ASTN2: variants seen among roughly 807,000 people sequenced by gnomAD.
The protein encoded by ASTN2 is astrotactin-2.
ASTN2 carries 54 observed loss-of-function variants against 139.8 expected under a neutral mutation model. The observed-to-expected ratio is 0.39, with a 90% CI of 0.31 to 0.48. The LOEUF is 0.48. ASTN2 is among the 20% of genes least tolerant of loss of function. ASTN2 has a pLI of 0.95. For missense variants in ASTN2, 1,565 were observed against 1,725.1 expected, an observed-to-expected ratio of 0.91 and a Z score of 1.64; for synonymous variants, 756 against 719.5, an observed-to-expected ratio of 1.05 and a Z score of -0.81.
intron 4 of ASTN2, among the ~76,000 whole-genome samples, chr9:117,114,051 A>G (rs7026307): frequency 0.53 from 81,020 of 151,970 alleles, 21,919 homozygotes; most frequent in African/African-American, 0.66. Flanking sequence ...GTAAAGCTTG[A>G]AAAAAATAGG....
intron 5 of ASTN2, among the ~76,000 whole-genome samples, chr9:117,058,283 A>G (rs142819182): frequency 8.5e-4 from 129 of 152,336 alleles, no homozygotes; most frequent in African/African-American, 2.7e-3. Flanking sequence ...AAGGCAGGAA[A>G]ATAAAATCCA....
At chr9:117,346,716 A>G (rs1373934277) in intron 1 of ASTN2, among the ~76,000 whole-genome samples, 1 of 152,180 alleles carries the variant, frequency 6.6e-6, no homozygotes, top group Non-Finnish European at 1.5e-5. Context: ...GTGAGAGTGA[A>G]CCTGTTCAGG....
chr9:116,674,265 C>T lies in ASTN2; in HGVS notation c.2807-22472G>A, dbSNP rs141307279. 2.5e-3 allele frequency among the ~76,000 whole-genome samples: 375 copies of T among 152,320 alleles called. 1 individual carries two copies. The highest frequency in any genetic ancestry group is 8.6e-3 in the African/African-American group (356 of 41,582). ...TCAATACTTGCCAGGTTCTGACCCA[C>T]AGACCCCAGCTGCATGACAGATGAA... On this transcript the variant is annotated intron_variant, in intron 16 of 22. Transcript: ENST00000313400.
intron 6 of ASTN2, among the ~76,000 whole-genome samples, chr9:117,011,532 T>C (rs1242191434): frequency 2.6e-5 from 4 of 152,244 alleles, no homozygotes; most frequent in Admixed American, 1.3e-4. Flanking sequence ...CTGTTGTTTA[T>C]AAACCAACTG....
At chr9:117,102,636 C>T (rs1829007530) in intron 4 of ASTN2, among the ~76,000 whole-genome samples, 1 of 152,114 alleles carries the variant, frequency 6.6e-6, no homozygotes, top group Admixed American at 6.6e-5. Context: ...GATTCTCCTG[C>T]CTTAGCTTCC....
chr9:116,820,634 G>A lies in ASTN2; in HGVS notation c.2190C>T (p.Thr730=). 6 of 1,614,052 alleles carry A rather than the reference G, an allele frequency of 3.7e-6. No homozygotes were observed. The highest frequency in any genetic ancestry group is 1.1e-5 in the South Asian group (1 of 91,022). Residue 730 remains threonine, a synonymous_variant, in exon 12 of 23, where the codon ACC becomes ACT. Transcript: ENST00000313400. ...AGACTCACCCGCAGAACATGAAGAT[G>A]GTGCTCGAAGTGGCATCGTAGGGCA... The part of the protein sequence containing the change: ...LPLPYDATSS[T]IFMFCGCVEE...
intron 16 of ASTN2, chr9:116,686,636 C>A (rs1860226696): frequency 1.3e-6 from 2 of 1,493,832 alleles, no homozygotes; most frequent in African/African-American, 1.4e-5. Flanking sequence ...CACCTCCCAC[C>A]TGGTAAGATT....
At chr9:116,683,601 C>T (rs896789447) in intron 16 of ASTN2, among the ~76,000 whole-genome samples, 1 of 152,164 alleles carries the variant, frequency 6.6e-6, no homozygotes, top group Non-Finnish European at 1.5e-5. Flanking sequence ...CTAGGCTTCT[C>T]ACAGATAGCT....
At chr9:116,621,414 TACAC>T (rs56109422) in intron 17 of ASTN2, among the ~76,000 whole-genome samples, 1,447 of 142,234 alleles carry the variant, frequency 0.01, 16 homozygotes, top group Middle Eastern at 0.053. Flanking sequence ...TTAAAACACA[TACAC>T]ACACACACAC....
intron 1 of ASTN2, among the ~76,000 whole-genome samples, chr9:117,293,520 AC>A (rs1834648404): frequency 6.6e-6 from 1 of 152,160 alleles, no homozygotes; most frequent in South Asian, 2.1e-4. Context: ...TGAGATAATC[AC>A]GAAGGTTTGT....
chr9:116,464,964 G>A (rs1232417433), intron 20 of ASTN2, among the ~76,000 whole-genome samples: 1 of 152,174 alleles, frequency 6.6e-6, no homozygotes, highest in Non-Finnish European at 1.5e-5. Context: ...TATATGAAGA[G>A]GCTCAGAGCA....
Position 116,698,442 on chromosome 9 carries a change from C to A in ASTN2, c.2806+27329G>T, listed in dbSNP as rs886043553. On this transcript the variant is annotated intron_variant, in intron 16 of 22. Coordinates refer to ENST00000313400, the MANE Select transcript of ASTN2 (RefSeq NM_001365068.1). The surrounding 1 kb of genome is among the most constrained non-coding windows in gnomAD (Gnocchi z 4.4). The stretch of plus-strand genomic sequence containing the variant: ...TTACCTGCTTAACATTGCAGAGGTG[C>A]AGGCTGTGTCTCGCTGTGACTACTT... 3 of 1,614,032 alleles carry A rather than the reference C, an allele frequency of 1.9e-6. No homozygotes were observed. Among genetic ancestry groups the A allele is most frequent in the Non-Finnish European group, 2.5e-6 (3 of 1,180,022 alleles).
intron 13 of ASTN2, among the ~76,000 whole-genome samples, chr9:116,741,084 A>G (rs1829086525): frequency 6.6e-6 from 1 of 152,104 alleles, no homozygotes; most frequent in Non-Finnish European, 1.5e-5. Flanking sequence ...CAGCAAAGAC[A>G]AACAAGGGAA....
rs113617168 is a variant in ASTN2 at position 117,064,664 on chromosome 9, C to T, written c.1277-24699G>A. Among the ~76,000 whole-genome samples, 1,033 of 152,018 alleles carry T rather than the reference C, an allele frequency of 6.8e-3. 9 individuals carry two copies. Among genetic ancestry groups the T allele is most frequent in the Non-Finnish European group, 8.4e-3 (574 of 67,982 alleles). The stretch of plus-strand genomic sequence containing the variant: ...TGGAGACTCCAAAAAGTAGGAGGGT[C>T]GGGGGGAAGGGATGAGAAATTACAT... On this transcript the variant is annotated intron_variant, in intron 5 of 22. Coordinates refer to ENST00000313400, the MANE Select transcript of ASTN2 (RefSeq NM_001365068.1).
intron 5 of ASTN2, among the ~76,000 whole-genome samples, chr9:117,089,623 C>T (rs530363129): frequency 6.6e-5 from 10 of 152,006 alleles, no homozygotes; most frequent in African/African-American, 2.4e-4. Context: ...TTGGTTCACC[C>T]ATCACCTGAG....
chr9:117,133,713 G>C (rs1234578200), intron 4 of ASTN2, among the ~76,000 whole-genome samples: 1 of 152,178 alleles, frequency 6.6e-6, no homozygotes, highest in East Asian at 1.9e-4. Context: ...ATAGTGAAGA[G>C]GTTGTCAAAG....
At chr9:116,804,904 C>T (rs568952642) in intron 13 of ASTN2, among the ~76,000 whole-genome samples, 1 of 146,868 alleles carries the variant, frequency 6.8e-6, no homozygotes, top group East Asian at 2.1e-4. Flanking sequence ...AAATCTCACT[C>T]TACTAGCTTA....
intron 3 of ASTN2, among the ~76,000 whole-genome samples, chr9:117,182,877 T>C (rs1480868515): frequency 6.6e-6 from 1 of 152,230 alleles, no homozygotes; most frequent in African/African-American, 2.4e-5. Context: ...AGTTTTTATT[T>C]CAAGAGACTC....
At chr9:116,586,344 G>A (rs1387419371) in intron 19 of ASTN2, 1 of 152,172 alleles carries the variant, frequency 6.6e-6, no homozygotes, top group Non-Finnish European at 1.5e-5. Flanking sequence ...CTATGTTTCT[G>A]TGTTCATTGG....
Sources: allele counts gnomAD v4.1 joint callset (sites outside exome capture counted in the v4.1 genomes callset), GRCh38; gene constraint gnomAD v4.1.1; non-coding constraint Gnocchi (gnomAD v3.1); transcripts MANE v1.5; gene names NCBI Gene and HGNC (gene_info 2026-07-23, HGNC 2026-07-21).